The following GPC6 variants were observed in gnomAD, a reference collection of about 807,000 sequenced individuals.
The protein encoded by GPC6 is glypican 6, also known as glypican-6.
GPC6 carries 14 observed loss-of-function variants against 55.2 expected under a neutral mutation model. That is an observed-to-expected ratio of 0.25 (90% CI 0.17 to 0.40). GPC6 has a LOEUF of 0.40. Among genes scored for constraint, GPC6 ranks in the 10% least tolerant of loss-of-function variants. The pLI is 1.00. For synonymous variants in GPC6, 278 were observed against 259.6 expected (o/e 1.07, Z -0.68); for missense variants, 641 against 708.5 (o/e 0.90, Z 1.08).
chr13:93,396,183 T>C (rs1186052570), intron 1 of GPC6, among the ~76,000 whole-genome samples: 2 of 152,206 alleles, frequency 1.3e-5, no homozygotes, highest in Non-Finnish European at 2.9e-5. Context: ...AACATGTGTT[T>C]ATTGTAGAAA....
chr13:93,241,192 A>T lies in GPC6; in HGVS notation c.160+13576A>T, dbSNP rs533544271. 5.5e-4 allele frequency among the ~76,000 whole-genome samples: 84 copies of T among 152,308 alleles called. 1 individual carries two copies. Among genetic ancestry groups the T allele is most frequent in the African/African-American group, 2.0e-3 (84 of 41,576 alleles). On this transcript the variant is annotated intron_variant, in intron 1 of 8. Coordinates refer to ENST00000377047, the MANE Select transcript of GPC6 (RefSeq NM_005708.5). ...TCTGGATGTTTAAATTTCTATCAAG[A>T]CCAGACAAGTTTGCCTCAAATATTC...
rs180771348 is a variant in GPC6, at chr13:94,222,011, T to G, written c.878-64338T>G. Among the ~76,000 whole-genome samples the G allele has an allele frequency of 3.3e-3, 481 of 147,550 alleles. 1 individual carries two copies. Among genetic ancestry groups the G allele is most frequent in the Non-Finnish European group, 5.4e-3 (362 of 66,442 alleles). ...GTGTTTTCCTTGTCTAGTGATAGGG[T>G]TTTTTTTTTGTTTTTTCTATCCTGT... On this transcript the variant is annotated intron_variant, in intron 4 of 8. Transcript: ENST00000377047.
chr13:94,156,047 G>A (rs951624214), intron 4 of GPC6, among the ~76,000 whole-genome samples: 1 of 152,162 alleles, frequency 6.6e-6, no homozygotes, highest in South Asian at 2.1e-4. Context: ...TGACAGAATC[G>A]AGACTAAAGC....
intron 2 of GPC6, among the ~76,000 whole-genome samples, chr13:93,823,335 C>T (rs1040810664): frequency 5.3e-5 from 8 of 152,204 alleles, no homozygotes; most frequent in African/African-American, 1.9e-4. Context: ...ATCCTGCTGT[C>T]TTGTTCTTTC....
At chr13:94,236,560 A>G (rs1288960216) in intron 4 of GPC6, among the ~76,000 whole-genome samples, 1 of 152,174 alleles carries the variant, frequency 6.6e-6, no homozygotes, top group African/African-American at 2.4e-5. Context: ...TGTATTCTAA[A>G]AGAAATGCTA....
At chr13:94,136,868 G>A (rs976689762) in intron 4 of GPC6, among the ~76,000 whole-genome samples, 2 of 152,174 alleles carry the variant, frequency 1.3e-5, no homozygotes, top group African/African-American at 2.4e-5. Flanking sequence ...TGCAGATAGG[G>A]AGAAAATAGG....
intron 2 of GPC6, among the ~76,000 whole-genome samples, chr13:93,651,765 AGCC>A (rs1880421968): frequency 6.6e-6 from 1 of 152,080 alleles, no homozygotes; most frequent in Non-Finnish European, 1.5e-5. Flanking sequence ...TTGCTCCACA[AGCC>A]TGCAAACTAA....
intron 1 of GPC6, among the ~76,000 whole-genome samples, chr13:93,536,538 TGTA>T (rs1200061376): frequency 6.6e-6 from 1 of 151,944 alleles, no homozygotes; most frequent in African/African-American, 2.4e-5. Flanking sequence ...ATGTCCATGT[TGTA>T]GTATGTGTTA....
At chr13:94,399,099 C>T (rs1364691303) in intron 8 of GPC6, among the ~76,000 whole-genome samples, 18 of 152,176 alleles carry the variant, frequency 1.2e-4, no homozygotes, top group Admixed American at 1.0e-3. Context: ...AATTACTCTA[C>T]TTCTTGAGTC....
chr13:93,939,455 T>C (rs1481678639), intron 3 of GPC6, among the ~76,000 whole-genome samples: 1 of 114,688 alleles, frequency 8.7e-6, no homozygotes, highest in African/African-American at 3.0e-5. Flanking sequence ...TAAATAAAAA[T>C]AGAATTTTGG....
intron 1 of GPC6, among the ~76,000 whole-genome samples, chr13:93,430,724 A>G (rs1265301322): frequency 1.3e-5 from 2 of 152,134 alleles, no homozygotes; most frequent in East Asian, 3.9e-4. Flanking sequence ...TTTGCTCTTT[A>G]TGCCTCAAGA....
chr13:93,251,297 C>A (rs997920655), intron 1 of GPC6, among the ~76,000 whole-genome samples: 1 of 152,184 alleles, frequency 6.6e-6, no homozygotes, highest in Non-Finnish European at 1.5e-5. Flanking sequence ...TCAAGCCCTT[C>A]TGCCACATTT....
At chr13:94,121,112 G>A (rs1171730252) in intron 4 of GPC6, among the ~76,000 whole-genome samples, 2 of 152,204 alleles carry the variant, frequency 1.3e-5, no homozygotes, top group African/African-American at 4.8e-5. Context: ...CTAGTGCAGA[G>A]TCTTTCAGAG....
chr13:94,039,095 G>T (rs530386189), intron 4 of GPC6, among the ~76,000 whole-genome samples: 25 of 151,972 alleles, frequency 1.6e-4, no homozygotes, highest in Non-Finnish European at 3.2e-4. Context: ...GTAGGAATAA[G>T]TATGATGTGC....
chr13:94,162,607 G>A (rs889167417), intron 4 of GPC6, among the ~76,000 whole-genome samples: 5 of 152,142 alleles, frequency 3.3e-5, no homozygotes, highest in South Asian at 2.1e-4. Flanking sequence ...GTTAGTAAGC[G>A]AAAGGAGGGA....
At chr13:93,920,491 T>C (rs530801524) in intron 3 of GPC6, among the ~76,000 whole-genome samples, 1 of 152,304 alleles carries the variant, frequency 6.6e-6, no homozygotes, top group African/African-American at 2.4e-5. Context: ...ATATCTCAAG[T>C]TTAACAGGTT....
intron 1 of GPC6, among the ~76,000 whole-genome samples, chr13:93,391,557 C>T (rs1875632350): frequency 2.0e-5 from 3 of 152,100 alleles, no homozygotes; most frequent in Admixed American, 6.6e-5. Flanking sequence ...TAATTTGATC[C>T]TTTTCAGATA....
intron 1 of GPC6, among the ~76,000 whole-genome samples, chr13:93,479,158 T>A (rs1008728490): frequency 1.6e-4 from 25 of 152,308 alleles, no homozygotes; most frequent in African/African-American, 5.8e-4. Flanking sequence ...TAGAATTATG[T>A]CTTGGGAAAC....
intron 2 of GPC6, among the ~76,000 whole-genome samples, chr13:93,827,099 A>G (rs1200410072): frequency 6.6e-6 from 1 of 152,220 alleles, no homozygotes; most frequent in Non-Finnish European, 1.5e-5. Context: ...AAAAAATCAA[A>G]TAGCATTTCT....
Sources: allele counts gnomAD v4.1 joint callset (sites outside exome capture counted in the v4.1 genomes callset), GRCh38; gene constraint gnomAD v4.1.1; transcripts MANE v1.5; gene names NCBI Gene and HGNC (gene_info 2026-07-23, HGNC 2026-07-21).